Variants in DNAH11 observed in about 807,000 individuals in gnomAD.
DNAH11 encodes the protein axonemal beta dynein heavy chain 11.
In DNAH11, 442 loss-of-function variants were observed where a neutral mutation model predicts 526.0. The observed-to-expected ratio is 0.84, with a 90% CI of 0.78 to 0.91. DNAH11 has a LOEUF of 0.91. Among genes scored for constraint, DNAH11 ranks in the 40% least tolerant of loss-of-function variants. The pLI is 0.00. For synonymous variants in DNAH11, 2,461 were observed against 1,935.9 expected, an observed-to-expected ratio of 1.27 and a Z score of -7.12; for missense variants, 6,989 against 5,448.7, an observed-to-expected ratio of 1.28 and a Z score of -8.90.
At chr7:21,892,365 G>A in intron 76 of DNAH11, 60 bp from the exon 77 acceptor site, 1 of 1,559,558 alleles carries the variant, frequency 6.4e-7, no homozygotes, top group Non-Finnish European at 8.7e-7. Flanking sequence ...AAGTGTTGAG[G>A]AAGTGAAAAT....
intron 28 of DNAH11, among the ~76,000 whole-genome samples, chr7:21,650,455 A>G (rs1787576344): frequency 6.6e-6 from 1 of 151,638 alleles, no homozygotes. Flanking sequence ...ACAAAATTGT[A>G]ATATTCCTCT....
At chr7:21,592,285 T>C (rs1292301903) in intron 14 of DNAH11, among the ~76,000 whole-genome samples, 1 of 151,710 alleles carries the variant, frequency 6.6e-6, no homozygotes, top group East Asian at 1.9e-4. Flanking sequence ...GCGGGTAGGG[T>C]GGTTGGGCAG....
chr7:21,583,523 G>T (rs1397976295), intron 9 of DNAH11, among the ~76,000 whole-genome samples: 1 of 151,928 alleles, frequency 6.6e-6, no homozygotes, highest in Non-Finnish European at 1.5e-5. Context: ...ATAGGCATGG[G>T]CAAAGACTTC....
chr7:21,704,545 A>T lies in DNAH11; in HGVS notation c.6385A>T (p.Arg2129Trp). The T allele has an allele frequency of 6.2e-7, 1 of 1,613,788 alleles. No individual in the cohort carries two copies. The highest frequency in any genetic ancestry group is 8.5e-7 in the Non-Finnish European group (1 of 1,179,828). The stretch of plus-strand genomic sequence containing the variant: ...GTTTCCAGCCCTGGATGTGCCCCGG[A>T]GGAGGAAGCTGCACTTTGAACAGAT... ...DLFPALDVPR[R>W]RKLHFEQMVR... The change falls in exon 38 of 82, where the codon AGG (arginine) becomes TGG (tryptophan). Residue 2129 changes from arginine (R) to tryptophan (W), a missense_variant. Physicochemically the swap from Arg to Trp is moderately radical, Grantham distance 101. Transcript: ENST00000409508.
At chr7:21,626,603 A>G (rs547927757) in intron 25 of DNAH11, among the ~76,000 whole-genome samples, 6 of 152,238 alleles carry the variant, frequency 3.9e-5, no homozygotes, top group Admixed American at 6.5e-5. Flanking sequence ...CATCCTTGCC[A>G]GCAGCATCCA....
rs575343997 is a variant in DNAH11, at chr7:21,675,636, T to A, written c.5329-5910T>A. Among the ~76,000 whole-genome samples, 4 of 152,264 alleles carry A rather than the reference T, an allele frequency of 2.6e-5. No homozygotes were observed. The East Asian group carries it at 7.7e-4, about 29-fold the overall frequency. ...TGAATGAGAGAACAAAAAACTGTTG[T>A]TTTGGTGTGTATTGTTGCTGTCGTT... On this transcript the variant is annotated intron_variant, in intron 30 of 81. Transcript: ENST00000409508.
intron 76 of DNAH11, among the ~76,000 whole-genome samples, chr7:21,888,966 C>T (rs1159296134): frequency 1.4e-5 from 2 of 145,436 alleles, no homozygotes; most frequent in African/African-American, 2.5e-5. Flanking sequence ...ATTCTGCAAC[C>T]ATTACAAGTT....
At chr7:21,650,935 G>A (rs755958674) in intron 28 of DNAH11, among the ~76,000 whole-genome samples, 5 of 144,398 alleles carry the variant, frequency 3.5e-5, no homozygotes, top group African/African-American at 8.0e-5. Flanking sequence ...CCACCGTGCC[G>A]GGCCCAAAAC....
At chr7:21,618,961 C>A in intron 23 of DNAH11, 139 bp from the exon 24 acceptor site, 1 of 1,110,300 alleles carries the variant, frequency 9.0e-7, no homozygotes, top group Non-Finnish European at 1.3e-6. Flanking sequence ...CTTAGATTCT[C>A]CACGTATTTC....
At chr7:21,786,195 C>G (rs1788176155) in intron 58 of DNAH11, among the ~76,000 whole-genome samples, 1 of 151,946 alleles carries the variant, frequency 6.6e-6, no homozygotes, top group Non-Finnish European at 1.5e-5. Context: ...AAAAACAAAC[C>G]TAAGAGACAC....
At chr7:21,762,405 T>C (rs1039245640) in intron 54 of DNAH11, among the ~76,000 whole-genome samples, 2 of 152,202 alleles carry the variant, frequency 1.3e-5, no homozygotes, top group Non-Finnish European at 2.9e-5. Flanking sequence ...AAAGATGCTT[T>C]TTTTCCTCTG....
At chr7:21,724,539 T>A (rs1233325007) in intron 44 of DNAH11, among the ~76,000 whole-genome samples, 1 of 152,248 alleles carries the variant, frequency 6.6e-6, no homozygotes, top group African/African-American at 2.4e-5. Context: ...TTTTAAGAGT[T>A]CATCAAACTC....
At chr7:21,732,664 C>G (rs772238848) in intron 45 of DNAH11, among the ~76,000 whole-genome samples, 15 of 152,168 alleles carry the variant, frequency 9.9e-5, no homozygotes, top group Non-Finnish European at 2.2e-4. Flanking sequence ...ATTCAGAAGT[C>G]GAATAATCAC....
chr7:21,805,744 A>T (rs550038070), intron 62 of DNAH11, among the ~76,000 whole-genome samples: 1 of 152,332 alleles, frequency 6.6e-6, no homozygotes, highest in African/African-American at 2.4e-5. Flanking sequence ...ACTCATGATG[A>T]TTTAGACAAG....
chr7:21,773,758 GT>G lies in DNAH11; in HGVS notation c.9103-4del, dbSNP rs1330590486. The G allele has an allele frequency of 6.6e-7, 1 of 1,508,316 alleles. No homozygotes were observed. The highest frequency in any genetic ancestry group is 8.9e-7 in the Non-Finnish European group (1 of 1,124,326). 93.4% of individuals were successfully genotyped at this position (1,508,316 alleles called of 1,614,324 possible). A position where few individuals can be genotyped will look rare whatever the true frequency, so the allele number is the denominator to read the frequency against. On this transcript the variant is annotated splice_region_variant and splice_polypyrimidine_tract_variant and intron_variant, in intron 55 of 81. Coordinates refer to ENST00000409508, the MANE Select transcript of DNAH11 (RefSeq NM_001277115.2). Reference sequence around the variant, plus strand: ...ATTTCACATGAACTGTAATGTTTGTGTTTTCAGCCAGTGCACAAAGACTCTA... The same window carrying G: ...ATTTCACATGAACTGTAATGTTTGTGTTTCAGCCAGTGCACAAAGACTCTA...
At chr7:21,673,629 G>A (rs1238785142) in intron 30 of DNAH11, among the ~76,000 whole-genome samples, 2 of 151,964 alleles carry the variant, frequency 1.3e-5, no homozygotes, top group Admixed American at 6.6e-5. Flanking sequence ...CTGTTTCTTC[G>A]GTTTCTCGCT....
In DNAH11 at chr7:21,900,519, G is replaced by A. The variant is rs76148146; in HGVS notation, c.13303+399G>A. Among the ~76,000 whole-genome samples, 905 of 116,002 alleles carry A rather than the reference G, an allele frequency of 7.8e-3. 5 individuals carry two copies. Among genetic ancestry groups the A allele is most frequent in the East Asian group, 0.046 (213 of 4,628 alleles). 76.1% of individuals were successfully genotyped at this position (116,002 alleles called of 152,430 possible). A position where few individuals can be genotyped will look rare whatever the true frequency, so the allele number is the denominator to read the frequency against. On this transcript the variant is annotated intron_variant, in intron 81 of 81. Coordinates refer to ENST00000409508, the MANE Select transcript of DNAH11 (RefSeq NM_001277115.2). ...CTCCAAGCCTGGAAGATGCTACTGC[G>A]TAGGGTGAATCTCTAAGAGGGGGTT...
At chr7:21,612,380 C>G (rs1583527872) in intron 20 of DNAH11, among the ~76,000 whole-genome samples, 2 of 151,670 alleles carry the variant, frequency 1.3e-5, no homozygotes, top group Admixed American at 1.3e-4. Context: ...ACGGTGAAAC[C>G]CTGTCTCTAC....
chr7:21,840,706 A>G (rs183651598), intron 65 of DNAH11, among the ~76,000 whole-genome samples: 1 of 152,304 alleles, frequency 6.6e-6, no homozygotes, highest in East Asian at 1.9e-4. Flanking sequence ...ACATATGATT[A>G]CTACGTACCC....
Sources: allele counts gnomAD v4.1 joint callset (sites outside exome capture counted in the v4.1 genomes callset), GRCh38; gene constraint gnomAD v4.1.1; transcripts MANE v1.5; gene names NCBI Gene and HGNC (gene_info 2026-07-23, HGNC 2026-07-21).